The following CCDC77 variants were observed in gnomAD, a reference collection of about 807,000 sequenced individuals.
CCDC77 encodes coiled-coil domain-containing protein 77.
Under a neutral mutation model 66.8 loss-of-function variants are expected in CCDC77, and 56 were observed. The ratio of observed to expected loss-of-function variants is 0.84; its 90% CI spans 0.68 to 1.05. The LOEUF (loss-of-function observed/expected upper bound fraction) is 1.05. Among genes scored for constraint, CCDC77 ranks in the 50% least tolerant of loss-of-function variants. The pLI, the probability that CCDC77 is intolerant of heterozygous loss-of-function variation, is 0.00. For synonymous variants in CCDC77, 196 were observed against 195.2 expected (o/e 1.00, Z -0.03); for missense variants, 570 against 576.8 (o/e 0.99, Z 0.12).
At chr12:398,644 C>T (rs370820328), upstream of CCDC77, among the ~76,000 whole-genome samples, 18 of 152,216 alleles carry the variant, frequency 1.2e-4, no homozygotes, top group African/African-American at 3.9e-4. Flanking sequence ...CTTGAACCCC[C>T]TCAAAGACAT....
chr12:440,107 CA>C (rs1255545379), intron 10 of CCDC77, among the ~76,000 whole-genome samples: 1 of 152,158 alleles, frequency 6.6e-6, no homozygotes, highest in Non-Finnish European at 1.5e-5. Context: ...CCAGCATTGG[CA>C]GCAGCCAGTT....
chr12:409,328 A>G (rs1374482855), intron 2 of CCDC77, 40 bp from the exon 3 acceptor site: 11 of 1,454,494 alleles, frequency 7.6e-6, no homozygotes, highest in Admixed American at 1.7e-5. Context: ...TTATTTTTCT[A>G]TTCGTGGCCC....
rs1945866733 is a variant in CCDC77, at chr12:441,974, G to A, written c.*54G>A. On this transcript the variant is annotated 3_prime_UTR_variant, in exon 13 of 13. Coordinates refer to ENST00000239830, the MANE Select transcript of CCDC77 (RefSeq NM_032358.4). ...AGAAGAGGTGTGCTTCTTGAAACCT[G>A]AGGACAAGGTCATCTGCTGCCAGAA... 6.3e-7 allele frequency: 1 copy of A among 1,589,556 alleles called. No individual in the cohort carries two copies. Among genetic ancestry groups the A allele is most frequent in the African/African-American group, 1.3e-5 (1 of 74,534 alleles).
In CCDC77 at chr12:411,924, A is replaced by C. The variant is rs748849876; in HGVS notation, c.216A>C (p.Glu72Asp). 1 of 1,614,108 alleles carries C rather than the reference A, an allele frequency of 6.2e-7. No homozygotes were observed. The highest frequency in any genetic ancestry group is 8.5e-7 in the Non-Finnish European group (1 of 1,180,034). ...YQKKMAECEA[E>D]NEDLLKKLEL... The stretch of plus-strand genomic sequence containing the variant: ...AGAAGATGGCTGAGTGTGAGGCAGA[A>C]AATGAGGACTTGCTGAAGAAACTGG... Residue 72 changes from glutamate to aspartate, a missense_variant, in exon 4 of 13, where the codon GAA becomes GAC. Physicochemically the swap from Glu to Asp is conservative, Grantham distance 45. Transcript: ENST00000239830.
chr12:438,854 G>T (rs574371751), intron 10 of CCDC77, among the ~76,000 whole-genome samples: 2 of 151,138 alleles, frequency 1.3e-5, no homozygotes, highest in African/African-American at 2.4e-5. Context: ...AAATCGTGAG[G>T]TCAGGAGTTC....
At chr12:439,522 A>G (rs546742624) in intron 10 of CCDC77, among the ~76,000 whole-genome samples, 1 of 150,788 alleles carries the variant, frequency 6.6e-6, no homozygotes, top group South Asian at 2.1e-4. Context: ...TCCATCTCAA[A>G]AAAAAAAAAG....
Position 440,948 on chromosome 12 carries a change from T to C in CCDC77, c.1272T>C (p.Ile424=). Residue 424 remains isoleucine, a synonymous_variant, in exon 12 of 13, where the codon ATT becomes ATC. Transcript: ENST00000239830. The stretch of plus-strand genomic sequence containing the variant: ...AAGTAGAAGGCTTTAAGACAGATAT[T>C]AAAGTTCTCCGACAGAAACTGAAAG... ...ILEVEGFKTD[I]KVLRQKLKDL... 1 of 1,613,378 alleles carries C rather than the reference T, an allele frequency of 6.2e-7. No individual in the cohort carries two copies. The highest frequency in any genetic ancestry group is 8.5e-7 in the Non-Finnish European group (1 of 1,180,026).
intron 1 of CCDC77, among the ~76,000 whole-genome samples, chr12:404,189 G>C (rs1202799315): frequency 1.3e-5 from 2 of 152,220 alleles, no homozygotes; most frequent in African/African-American, 4.8e-5. Flanking sequence ...AGTGGCAGGT[G>C]CCTGTAATCC....
At chr12:400,249 T>C (rs2137528493), upstream of CCDC77, among the ~76,000 whole-genome samples, 1 of 152,386 alleles carries the variant, frequency 6.6e-6, no homozygotes, top group East Asian at 1.9e-4. Flanking sequence ...GGGAATGCTG[T>C]GGCTGGTTTG....
chr12:426,962 T>C (rs966533598), intron 5 of CCDC77, among the ~76,000 whole-genome samples: 2 of 152,126 alleles, frequency 1.3e-5, no homozygotes, highest in Non-Finnish European at 2.9e-5. Context: ...TAATTGTCTC[T>C]AGGACTTAAA....
At chr12:411,454 A>G (rs1375556781) in intron 3 of CCDC77, among the ~76,000 whole-genome samples, 2 of 151,806 alleles carry the variant, frequency 1.3e-5, no homozygotes, top group African/African-American at 2.4e-5. Flanking sequence ...TGCTAGGATT[A>G]CAGGTGTGAG....
At chr12:393,486 T>C (rs774473383) in intron 1 of CCDC77, among the ~76,000 whole-genome samples, 3 of 152,156 alleles carry the variant, frequency 2.0e-5, no homozygotes, top group Non-Finnish European at 2.9e-5. Context: ...TCTAAAACTT[T>C]ATCAGTTAAC....
In CCDC77 at chr12:441,991, C is replaced by T; in HGVS notation, c.*71C>T. 1.3e-6 allele frequency: 2 copies of T among 1,532,304 alleles called. No individual in the cohort carries two copies. Among genetic ancestry groups the T allele is most frequent in the South Asian group, 1.1e-5 (1 of 87,866 alleles). The allele number at this position is 1,532,304 out of a possible 1,614,324, so 94.9% of individuals were successfully genotyped here. Reference sequence around the variant, plus strand: ...TGAAACCTGAGGACAAGGTCATCTGCTGCCAGAAAATGTAAACCTGAGTTG... The same window carrying T: ...TGAAACCTGAGGACAAGGTCATCTGTTGCCAGAAAATGTAAACCTGAGTTG... On this transcript the variant is annotated 3_prime_UTR_variant, in exon 13 of 13. Coordinates refer to ENST00000239830, the MANE Select transcript of CCDC77 (RefSeq NM_032358.4).
intron 1 of CCDC77, among the ~76,000 whole-genome samples, chr12:404,240 C>G (rs1338576845): frequency 6.6e-6 from 1 of 152,204 alleles, no homozygotes. Context: ...CACTTGAACC[C>G]AGGAGGTGGA....
At chr12:427,082 TA>T (rs1462501857) in intron 5 of CCDC77, among the ~76,000 whole-genome samples, 21 of 152,052 alleles carry the variant, frequency 1.4e-4, no homozygotes, top group Non-Finnish European at 1.0e-4. Context: ...CCATCTCTAC[TA>T]AAAATACAAA....
At chr12:403,968 G>T (rs1264334252) in intron 1 of CCDC77, among the ~76,000 whole-genome samples, 1 of 152,180 alleles carries the variant, frequency 6.6e-6, no homozygotes, top group Non-Finnish European at 1.5e-5. Flanking sequence ...TAAAGACAGG[G>T]TCTTGCCATG....
rs377326847 is a variant in CCDC77, at chr12:440,967, C to G, written c.1291C>G (p.Leu431Val). The G allele has an allele frequency of 3.1e-6, 5 of 1,612,458 alleles. No individual in the cohort carries two copies. The Admixed American group carries it at 6.7e-5, about 21-fold the overall frequency. The change falls in exon 12 of 13, where the codon CTG becomes GTG. Residue 431 changes from leucine (L) to valine (V), a missense_variant. Physicochemically the swap from Leu to Val is conservative, Grantham distance 32. Transcript: ENST00000239830. ...KTDIKVLRQK[L>V]KDLEQMLYKA... ...AGATATTAAAGTTCTCCGACAGAAA[C>G]TGAAAGACTTGGAGCAAATGTTGTA... is the stretch of plus-strand genomic sequence containing the variant.
chr12:430,933 A>G (rs117962612), intron 7 of CCDC77, among the ~76,000 whole-genome samples, 197 bp downstream of exon 7: 3,460 of 152,050 alleles, frequency 0.023, 68 homozygotes, highest in East Asian at 0.11. Flanking sequence ...ACAAAAAACT[A>G]GCCGGGTGTG....
At chr12:390,147 A>C (rs990609189) in intron 1 of CCDC77, 1 of 151,636 alleles carries the variant, frequency 6.6e-6, no homozygotes, top group African/African-American at 2.4e-5. Context: ...AAAAAAAATC[A>C]AGAAATAATC....
Sources: gnomAD v4.1 joint callset for allele counts (sites outside exome capture counted in the v4.1 genomes callset) on GRCh38, gnomAD v4.1.1 for gene constraint, MANE v1.5 for transcripts, NCBI Gene and HGNC (gene_info 2026-07-23, HGNC 2026-07-21) for gene names.